EXOC7: variants seen among roughly 807,000 people sequenced by gnomAD.
EXOC7 encodes the protein exocyst complex component Exo70.
EXOC7 carries 51 observed loss-of-function variants against 87.6 expected under a neutral mutation model. The ratio of observed to expected loss-of-function variants is 0.58; its 90% CI spans 0.46 to 0.73. The LOEUF (loss-of-function observed/expected upper bound fraction) is 0.73. Among genes scored for constraint, EXOC7 ranks in the 30% least tolerant of loss-of-function variants. The pLI is 0.00. For synonymous variants in EXOC7, 327 were observed against 357.1 expected (o/e 0.92, Z 0.95); for missense variants, 744 against 888.4 (o/e 0.84, Z 2.07).
At position 76,101,300 on chromosome 17, in the gene EXOC7, T is replaced by C; in HGVS notation, c.388A>G (p.Ser130Gly). ...TTGTTGAGTTCCGGGCTGTCTGGGC[T>C]GTTGTCCTGGAAATACTCCACTGCC... is the stretch of plus-strand genomic sequence containing the variant. ...QKAVEYFQDN[S>G]PDSPELNKVK... is the part of the protein sequence containing the mutation. Residue 130 changes from serine to glycine, a missense_variant, in exon 4 of 19, where the codon AGC becomes GGC. By Grantham distance (56) the Ser-to-Gly change is moderately conservative. Coordinates refer to ENST00000589210, the MANE Select transcript of EXOC7 (RefSeq NM_001013839.4). The C allele has an allele frequency of 6.2e-7, 1 of 1,614,114 alleles. No individual in the cohort carries two copies. Among genetic ancestry groups the C allele is most frequent in the Non-Finnish European group, 8.5e-7 (1 of 1,180,030 alleles).
chr17:76,085,987 G>A, intron 13 of EXOC7, 93 bp downstream of exon 13: 4 of 1,532,216 alleles, frequency 2.6e-6, no homozygotes, highest in African/African-American at 1.4e-5. Context: ...TTAGGAGAGG[G>A]CCCTGGGAAT....
At position 76,094,505 on chromosome 17, in the gene EXOC7, A is replaced by AT. The variant is rs1259604438; in HGVS notation, c.716dup (p.His239GlnfsTer2). On this transcript the variant is annotated frameshift_variant, in exon 6 of 19. Coordinates refer to ENST00000589210, the MANE Select transcript of EXOC7 (RefSeq NM_001013839.4). LOFTEE classifies it high-confidence loss of function. ...GAACCCCAGAGGAAGAACTGCTCTT[A>AT]TGGAAATGCTCCTTCAGTCCTTTGA... 6.2e-7 allele frequency: 1 copy of AT among 1,613,916 alleles called. No homozygotes were observed. Among genetic ancestry groups the AT allele is most frequent in the Non-Finnish European group, 8.5e-7 (1 of 1,179,994 alleles).
At chr17:76,087,178 C>G (rs1444165698) in intron 12 of EXOC7, 1 of 439,252 alleles carries the variant, frequency 2.3e-6, no homozygotes, top group African/African-American at 2.0e-5. Flanking sequence ...GACCTCAGTG[C>G]TTGGAATGAC....
At chr17:76,084,380 G>A (rs1350977822) in intron 16 of EXOC7, 91 bp from the exon 17 acceptor site, 3 of 1,587,888 alleles carry the variant, frequency 1.9e-6, no homozygotes, top group South Asian at 2.2e-5. Flanking sequence ...GTCTGGGCCT[G>A]TCTCCTGTGT....
chr17:76,090,694 C>A (rs2067439217), intron 7 of EXOC7: 1 of 590,668 alleles, frequency 1.7e-6, no homozygotes. Flanking sequence ...AGAGCTGATG[C>A]TTGGCCCCAG....
Position 76,086,143 on chromosome 17 carries a change from T to A in EXOC7, c.1432A>T (p.Thr478Ser). The change falls in exon 13 of 19, where the codon ACC becomes TCC. Residue 478 changes from threonine to serine, a missense_variant and splice_region_variant. Transcript: ENST00000589210. ...TAGAMLASQE[T>S]SSSATSYSSE... is the part of the protein sequence containing the mutation. ...CTGTAGCTGGTGGCCGAAGAGCTGG[T>A]CTCTGTGAGAGGAGAAGTCCTGTTA... 1 of 1,613,596 alleles carries A rather than the reference T, an allele frequency of 6.2e-7. No individual in the cohort carries two copies. Among genetic ancestry groups the A allele is most frequent in the Non-Finnish European group, 8.5e-7 (1 of 1,179,988 alleles).
At chr17:76,090,524 G>A (rs1025154193) in intron 7 of EXOC7, 13 of 1,538,018 alleles carry the variant, frequency 8.5e-6, no homozygotes, top group Non-Finnish European at 1.1e-5. Context: ...ATGGGGAAGG[G>A]GGCATCGGAG....
intron 7 of EXOC7, 95 bp from the exon 8 acceptor site, chr17:76,089,415 C>T: frequency 6.7e-7 from 1 of 1,486,668 alleles, no homozygotes; most frequent in South Asian, 1.2e-5. Context: ...GCCTGTACCC[C>T]ACACTGGCAG....
intron 4 of EXOC7, 189 bp from the exon 5 acceptor site, chr17:76,098,207 G>A: frequency 1.8e-6 from 1 of 561,008 alleles, no homozygotes; most frequent in East Asian, 3.1e-5. Flanking sequence ...CACAATCTTG[G>A]CTCACTGCAA....
At chr17:76,085,161 C>T (rs1487825821) in intron 15 of EXOC7, 153 bp downstream of exon 15, 3 of 673,064 alleles carry the variant, frequency 4.5e-6, no homozygotes, top group East Asian at 2.7e-5. Flanking sequence ...CTTCTCTCTC[C>T]ACCCCGTGAG....
At position 76,090,771 on chromosome 17, in the gene EXOC7, C is replaced by T. The variant is rs902158840; in HGVS notation, c.901+372G>A. The T allele has an allele frequency of 2.7e-5, 14 of 522,948 alleles. No individual in the cohort carries two copies. The Admixed American group carries it at 4.8e-4, about 18-fold the overall frequency. The allele number at this position is 522,948 out of a possible 1,614,324, so 32.4% of individuals were successfully genotyped here. On this transcript the variant is annotated intron_variant, in intron 7 of 18. Transcript: ENST00000589210. ...TGCCTGTCCTCTGCTGCACACACTCCCCTTTCTAAAGATGGGAAGGCCGGG... is the reference window on the plus strand; with the variant it reads ...TGCCTGTCCTCTGCTGCACACACTCTCCTTTCTAAAGATGGGAAGGCCGGG...
rs2067337790 is a variant in EXOC7 at position 76,088,872 on chromosome 17, G to A, written c.1099C>T (p.Arg367Trp). ...LEGENIVSAA[R>W]KAIVRHDFST... ...AAGTCGTGTCGCACAATGGCCTTCCGGGCAGCAGACACGATGTTCTCCCCT... is the reference window on the plus strand; with the variant it reads ...AAGTCGTGTCGCACAATGGCCTTCCAGGCAGCAGACACGATGTTCTCCCCT... Residue 367 changes from arginine (R) to tryptophan (W), a missense_variant, in exon 9 of 19, where the codon CGG becomes TGG. By Grantham distance (101) the Arg-to-Trp change is moderately radical. Transcript: ENST00000589210. 6.2e-6 allele frequency: 10 copies of A among 1,613,672 alleles called. No homozygotes were observed. Among genetic ancestry groups the A allele is most frequent in the Non-Finnish European group, 7.6e-6 (9 of 1,180,012 alleles).
At chr17:76,100,843 C>T (rs149175365) in intron 4 of EXOC7, among the ~76,000 whole-genome samples, 1,523 of 151,428 alleles carry the variant, frequency 0.01, 24 homozygotes, top group African/African-American at 0.035. Context: ...TAGCCAGGTG[C>T]GGTGGCGAGT....
At chr17:76,098,352 T>C (rs1045800059) in intron 4 of EXOC7, among the ~76,000 whole-genome samples, 1 of 151,568 alleles carries the variant, frequency 6.6e-6, no homozygotes, top group Non-Finnish European at 1.5e-5. Context: ...GGCAGGATGG[T>C]CTTGATCTCC....
At chr17:76,085,562 A>G (rs2067174759) in intron 14 of EXOC7, 115 bp downstream of exon 14, 4 of 1,551,612 alleles carry the variant, frequency 2.6e-6, no homozygotes, top group Admixed American at 3.4e-5. Context: ...AGGAGACTGA[A>G]GCACCCCCTC....
Position 76,098,031 on chromosome 17 carries a change from C to G in EXOC7, c.418-13G>C, listed in dbSNP as rs199573454. ...CAAAGAGCAGTTTCTGCACAGACAA[C>G]AGAAGGAAGCAGGTGCCTGCTGCTT... On this transcript the variant is annotated splice_polypyrimidine_tract_variant and intron_variant, in intron 4 of 18. Transcript: ENST00000589210. The G allele has an allele frequency of 6.2e-7, 1 of 1,611,798 alleles. No homozygotes were observed. The highest frequency in any genetic ancestry group is 2.2e-5 in the East Asian group (1 of 44,864).
chr17:76,088,213 C>T (rs2067301396), intron 10 of EXOC7, 91 bp from the exon 11 acceptor site: 9 of 1,364,920 alleles, frequency 6.6e-6, no homozygotes, highest in Middle Eastern at 1.8e-4. Context: ...TCCTGGCAGA[C>T]GGGTGCTAGG....
chr17:76,081,810 T>C lies in EXOC7; in HGVS notation c.*1838A>G. 1 of 1,612,042 alleles carries C rather than the reference T, an allele frequency of 6.2e-7. No individual in the cohort carries two copies. The highest frequency in any genetic ancestry group is 1.7e-5 in the Admixed American group (1 of 59,954). The stretch of plus-strand genomic sequence containing the variant: ...CTGTTTCTCCCCGGTCACCCACTGG[T>C]GCTCAGCTCGCTGGGCACCAGAGAC... On this transcript the variant is annotated 3_prime_UTR_variant, in exon 19 of 19. Coordinates refer to ENST00000589210, the MANE Select transcript of EXOC7 (RefSeq NM_001013839.4).
intron 12 of EXOC7, 146 bp downstream of exon 12, chr17:76,087,508 T>G (rs143741772): frequency 8.1e-6 from 6 of 743,158 alleles, no homozygotes; most frequent in Middle Eastern, 2.4e-4. Flanking sequence ...GCTCTCCTGA[T>G]GCTCAGCCCC....
Sources: allele counts gnomAD v4.1 joint callset (sites outside exome capture counted in the v4.1 genomes callset), GRCh38; gene constraint gnomAD v4.1.1; transcripts MANE v1.5; gene names NCBI Gene and HGNC (gene_info 2026-07-23, HGNC 2026-07-21).